The following PCDHGB2 variants were observed in gnomAD, a reference collection of about 807,000 sequenced individuals.
The protein encoded by PCDHGB2 is protocadherin gamma subfamily B, 2.
A neutral mutation model predicts 59.3 loss-of-function variants in PCDHGB2; 55 were observed. That is an observed-to-expected ratio of 0.93 (90% CI 0.75 to 1.16). The LOEUF is 1.16. PCDHGB2 is among the 50% of genes most tolerant of loss of function. The pLI, the probability that PCDHGB2 is intolerant of heterozygous loss-of-function variation, is 0.00. For synonymous variants in PCDHGB2, 516 were observed against 512.0 expected (o/e 1.01, Z -0.11); for missense variants, 1,228 against 1,198.5 (o/e 1.02, Z -0.36).
chr5:141,414,950 T>C (rs1017858929), intron 1 of PCDHGB2: 2 of 1,613,912 alleles, frequency 1.2e-6, no homozygotes, highest in African/African-American at 2.7e-5. Context: ...GGCTACCTGG[T>C]GACCAAGGTG....
At chr5:141,420,817 A>G (rs547074952) in intron 1 of PCDHGB2, among the ~76,000 whole-genome samples, 2 of 152,354 alleles carry the variant, frequency 1.3e-5, no homozygotes, top group South Asian at 2.1e-4. Flanking sequence ...AGCCCTTTTA[A>G]TAATTACTCC....
chr5:141,415,278 G>A (rs768587119), intron 1 of PCDHGB2: 4 of 1,614,212 alleles, frequency 2.5e-6, no homozygotes, highest in Non-Finnish European at 3.4e-6. Flanking sequence ...TGGTAGCGGT[G>A]GCCGCGGTCT....
chr5:141,495,702 T>C (rs1462896403), intron 2 of PCDHGB2, among the ~76,000 whole-genome samples: 3 of 152,212 alleles, frequency 2.0e-5, no homozygotes, highest in Non-Finnish European at 4.4e-5. Context: ...TCAATAAATG[T>C]GGAGTGAGTA....
At chr5:141,383,821 G>C in intron 1 of PCDHGB2, 1 of 1,613,922 alleles carries the variant, frequency 6.2e-7, no homozygotes, top group Non-Finnish European at 8.5e-7. Flanking sequence ...AGAAGGATTA[G>C]ATTATGAAGA....
At chr5:141,499,689 CT>C (rs545067566) in intron 2 of PCDHGB2, among the ~76,000 whole-genome samples, 4,434 of 119,828 alleles carry the variant, frequency 0.037, 46 homozygotes, top group African/African-American at 0.083. Context: ...TAACAGATGA[CT>C]TTTTTTTTTT....
At position 141,383,548 on chromosome 5, in the gene PCDHGB2, G is replaced by A. The variant is rs768977528; in HGVS notation, c.2421+20992G>A. 33 of 1,612,508 alleles carry A rather than the reference G, an allele frequency of 2.0e-5. 1 individual carries two copies. In the Admixed American group the frequency reaches 2.3e-4, roughly 11 times the overall value. ...CCACCTGGTCCTCACAGCCTCTGATGGCGGCGACCCGCCCCGATCCAGCAC... is the reference window on the plus strand; with the variant it reads ...CCACCTGGTCCTCACAGCCTCTGATAGCGGCGACCCGCCCCGATCCAGCAC... On this transcript the variant is annotated intron_variant, in intron 1 of 3. Coordinates refer to ENST00000522605, the MANE Select transcript of PCDHGB2 (RefSeq NM_018923.3).
chr5:141,394,818 C>T lies in PCDHGB2; in HGVS notation c.2421+32262C>T, dbSNP rs2093105005. On this transcript the variant is annotated intron_variant, in intron 1 of 3. Coordinates refer to ENST00000522605, the MANE Select transcript of PCDHGB2 (RefSeq NM_018923.3). Reference sequence around the variant, plus strand: ...CACCGTAGCCGTGGCTGACAGCATCCCCGAAGTCCTGACCGAGTTGGGCAG... The same window carrying T: ...CACCGTAGCCGTGGCTGACAGCATCTCCGAAGTCCTGACCGAGTTGGGCAG... The T allele has an allele frequency of 5.6e-6, 9 of 1,613,904 alleles. No individual in the cohort carries two copies. Among genetic ancestry groups the T allele is most frequent in the Non-Finnish European group, 7.6e-6 (9 of 1,180,012 alleles).
At chr5:141,429,105 C>G (rs936114624) in intron 1 of PCDHGB2, 1 of 152,318 alleles carries the variant, frequency 6.6e-6, no homozygotes, top group Non-Finnish European at 1.5e-5. Flanking sequence ...CTGCCCGCCT[C>G]GGCCTCCCAA....
chr5:141,374,696 G>T (rs747520978), intron 1 of PCDHGB2: 1 of 1,609,314 alleles, frequency 6.2e-7, no homozygotes, highest in South Asian at 1.1e-5. Context: ...CCGGGAAGGA[G>T]AAGCCGTTTA....
intron 1 of PCDHGB2, among the ~76,000 whole-genome samples, chr5:141,466,826 G>A (rs978548667): frequency 1.2e-4 from 18 of 152,056 alleles, no homozygotes; most frequent in Admixed American, 8.5e-4. Flanking sequence ...TAACAAGTTA[G>A]TATGGGTTTA....
intron 1 of PCDHGB2, chr5:141,405,602 A>C: frequency 1.7e-6 from 1 of 572,914 alleles, no homozygotes; most frequent in South Asian, 2.3e-5. Flanking sequence ...CCCAAGTAGA[A>C]TAACTGGGAC....
intron 1 of PCDHGB2, chr5:141,382,816 TA>T: frequency 1.6e-6 from 2 of 1,275,446 alleles, no homozygotes; most frequent in Non-Finnish European, 2.2e-6. Flanking sequence ...CTCCCCTTCC[TA>T]AGACAGAGGG....
chr5:141,379,623 A>G (rs1775713746), intron 1 of PCDHGB2: 1 of 152,198 alleles, frequency 6.6e-6, no homozygotes, highest in African/African-American at 2.4e-5. Flanking sequence ...AACAAATAAA[A>G]TATTTCTCTG....
chr5:141,450,931 T>G (rs571428678), intron 1 of PCDHGB2, among the ~76,000 whole-genome samples: 2 of 151,650 alleles, frequency 1.3e-5, no homozygotes, highest in African/African-American at 4.8e-5. Flanking sequence ...TTCAAGCAAT[T>G]CTCCTACCTC....
intron 1 of PCDHGB2, chr5:141,422,614 C>T (rs1207238896): frequency 6.2e-7 from 1 of 1,613,812 alleles, no homozygotes; most frequent in South Asian, 1.1e-5. Flanking sequence ...TGCCTACATT[C>T]CCGAAAACAA....
intron 1 of PCDHGB2, chr5:141,417,728 T>A: frequency 7.3e-7 from 1 of 1,373,610 alleles, no homozygotes; most frequent in Non-Finnish European, 9.6e-7. Flanking sequence ...GCGCAGACCT[T>A]GCCCAGCACA....
At chr5:141,502,864 G>GTTTTTTTT in intron 2 of PCDHGB2, among the ~76,000 whole-genome samples, 3 of 61,566 alleles carry the variant, frequency 4.9e-5, no homozygotes, top group African/African-American at 2.4e-4. Context: ...CTGACTCTCT[G>GTTTTTTTT]TCTTTTTTTT....
intron 1 of PCDHGB2, chr5:141,374,029 A>T (rs1460112886): frequency 7.0e-7 from 1 of 1,428,780 alleles, no homozygotes; most frequent in Non-Finnish European, 9.2e-7. Flanking sequence ...AGCAAAAGTG[A>T]TGCAGATCTG....
At chr5:141,421,762 T>G (rs1272315856) in intron 1 of PCDHGB2, 2 of 1,613,884 alleles carry the variant, frequency 1.2e-6, no homozygotes, top group Non-Finnish European at 8.5e-7. Context: ...TAATAATTAC[T>G]TTTCCTTGCA....
Sources: gnomAD v4.1 joint callset for allele counts (sites outside exome capture counted in the v4.1 genomes callset) on GRCh38, gnomAD v4.1.1 for gene constraint, MANE v1.5 for transcripts, NCBI Gene and HGNC (gene_info 2026-07-23, HGNC 2026-07-21) for gene names.